Variants in CES5A observed in about 807,000 individuals in gnomAD.
CES5A encodes carboxylesterase 5A.
Under a neutral mutation model 62.9 loss-of-function variants are expected in CES5A, and 67 were observed. The observed-to-expected ratio is 1.07, with a 90% CI of 0.88 to 1.31. The LOEUF is 1.31. Among genes scored for constraint, CES5A ranks in the 50% most tolerant of loss-of-function variants. The pLI, the probability that CES5A is intolerant of heterozygous loss-of-function variation, is 0.00. For synonymous variants in CES5A, 296 were observed against 280.8 expected, an observed-to-expected ratio of 1.05 and a Z score of -0.54; for missense variants, 748 against 708.5, an observed-to-expected ratio of 1.06 and a Z score of -0.63.
intron 1 of CES5A, among the ~76,000 whole-genome samples, chr16:55,894,711 GA>G (rs1236833003): frequency 6.6e-6 from 1 of 152,068 alleles, no homozygotes; most frequent in African/African-American, 2.4e-5. Flanking sequence ...ATTTACTGCA[GA>G]AAAAAGTTGC....
intron 11 of CES5A, among the ~76,000 whole-genome samples, chr16:55,849,024 G>A (rs1241317237): frequency 6.6e-6 from 1 of 152,156 alleles, no homozygotes; most frequent in Non-Finnish European, 1.5e-5. Context: ...AGCCTGCATT[G>A]TGTAATGTTT....
At chr16:55,863,992 C>T (rs1348071685) in intron 5 of CES5A, among the ~76,000 whole-genome samples, 2 of 152,040 alleles carry the variant, frequency 1.3e-5, no homozygotes, top group African/African-American at 2.4e-5. Flanking sequence ...CCTGACCACT[C>T]ACCTCAGCCT....
At chr16:55,943,445 A>C (rs1302804567) in intron 2 of CES5A, among the ~76,000 whole-genome samples, 2 of 152,298 alleles carry the variant, frequency 1.3e-5, no homozygotes, top group South Asian at 2.1e-4. Flanking sequence ...TTGTTTTTCA[A>C]CGTGTTATCC....
At chr16:55,948,365 A>G (rs2034519253) in intron 2 of CES5A, among the ~76,000 whole-genome samples, 1 of 152,184 alleles carries the variant, frequency 6.6e-6, no homozygotes, top group African/African-American at 2.4e-5. Flanking sequence ...ACAGTCAATT[A>G]TGCATCCGTC....
At chr16:55,859,501 C>T (rs1424088612) in intron 8 of CES5A, 46 bp downstream of exon 8, 2 of 1,591,342 alleles carry the variant, frequency 1.3e-6, no homozygotes, top group Non-Finnish European at 1.7e-6. Flanking sequence ...GCCAAAGCTG[C>T]ATCACGGTTT....
Position 55,888,606 on chromosome 16 carries a change from G to T in CES5A, c.-255-14569C>A, listed in dbSNP as rs906628859. Reference sequence around the variant, plus strand: ...GGATTGTCTGCTAAATAAACTACCTGAACCTTAGTCTTTGTCTCAGGCTCT... The same window carrying T: ...GGATTGTCTGCTAAATAAACTACCTTAACCTTAGTCTTTGTCTCAGGCTCT... On this transcript the variant is annotated intron_variant, in intron 1 of 12. Coordinates refer to the CES5A transcript ENST00000518005. 9.9e-5 allele frequency among the ~76,000 whole-genome samples: 15 copies of T among 152,136 alleles called. No individual in the cohort carries two copies. In the South Asian group the frequency reaches 3.1e-3, roughly 32 times the overall value.
intron 4 of CES5A, among the ~76,000 whole-genome samples, chr16:55,869,055 A>C (rs4090478): frequency 0.99 from 151,076 of 152,322 alleles, 74,926 homozygotes; most frequent in South Asian, 1. Flanking sequence ...ATTCGAGAAG[A>C]CCTGGGGTGA....
chr16:55,863,161 T>C (rs2033387742), intron 6 of CES5A, among the ~76,000 whole-genome samples, 187 bp downstream of exon 6: 1 of 152,122 alleles, frequency 6.6e-6, no homozygotes, highest in Admixed American at 6.5e-5. Flanking sequence ...TGGTGTGGCA[T>C]TGTGTAGCTA....
chr16:55,875,866 G>C (rs1248997623), upstream of CES5A, among the ~76,000 whole-genome samples: 1 of 152,142 alleles, frequency 6.6e-6, no homozygotes, highest in Non-Finnish European at 1.5e-5. Context: ...CATCTGACCA[G>C]AAATATTATC....
Position 55,871,283 on chromosome 16 carries a change from AATT to A in CES5A, c.417+339_417+341del, listed in dbSNP as rs1265633480. On this transcript the variant is annotated intron_variant, in intron 3 of 12. Transcript: ENST00000290567. Reference sequence around the variant, plus strand: ...TATAAACAGAAAAGTTGGAGGATAAAATTATTCTTTTTGAAAAAAGATACCTCA... The same window carrying A: ...TATAAACAGAAAAGTTGGAGGATAAAATTCTTTTTGAAAAAAGATACCTCA... 1.1e-4 allele frequency among the ~76,000 whole-genome samples: 17 copies of A among 152,342 alleles called. No individual in the cohort carries two copies. The East Asian group carries it at 2.9e-3, about 26-fold the overall frequency.
chr16:55,868,290 C>T (rs1437063446), intron 4 of CES5A, among the ~76,000 whole-genome samples: 1 of 152,246 alleles, frequency 6.6e-6, no homozygotes, highest in African/African-American at 2.4e-5. Context: ...CCTCTCCTGC[C>T]TGCAAAGCAC....
At chr16:55,886,567 A>G (rs1202458690) in intron 1 of CES5A, among the ~76,000 whole-genome samples, 1 of 152,228 alleles carries the variant, frequency 6.6e-6, no homozygotes, top group African/African-American at 2.4e-5. Context: ...TGATTCACCA[A>G]GGCTGATCTT....
chr16:55,945,272 A>G (rs2034482415), intron 2 of CES5A, among the ~76,000 whole-genome samples: 1 of 152,218 alleles, frequency 6.6e-6, no homozygotes, highest in African/African-American at 2.4e-5. Context: ...GGGTAGGTAC[A>G]TTATCTGATT....
At chr16:55,892,830 A>G (rs1320931735) in intron 1 of CES5A, among the ~76,000 whole-genome samples, 1 of 152,198 alleles carries the variant, frequency 6.6e-6, no homozygotes, top group Non-Finnish European at 1.5e-5. Flanking sequence ...AGAGGGAACA[A>G]GTTATTCCTA....
upstream of CES5A, among the ~76,000 whole-genome samples, chr16:55,925,897 G>T (rs2034253374): frequency 1.3e-5 from 2 of 152,026 alleles, no homozygotes; most frequent in African/African-American, 4.8e-5. Flanking sequence ...CCTGACAAGG[G>T]ACTAATATCT....
At chr16:55,886,527 A>T (rs971438264) in intron 1 of CES5A, among the ~76,000 whole-genome samples, 6 of 152,240 alleles carry the variant, frequency 3.9e-5, no homozygotes, top group Admixed American at 2.0e-4. Flanking sequence ...ACCCATGAAC[A>T]GAATAGCTAT....
chr16:55,892,926 G>A (rs1484772823), intron 1 of CES5A, among the ~76,000 whole-genome samples: 2 of 152,130 alleles, frequency 1.3e-5, no homozygotes, highest in East Asian at 1.9e-4. Flanking sequence ...AAAAGGATTA[G>A]CCTATCAGAG....
At chr16:55,932,156 C>T (rs1359156571) in intron 2 of CES5A, among the ~76,000 whole-genome samples, 1 of 152,198 alleles carries the variant, frequency 6.6e-6, no homozygotes, top group Non-Finnish European at 1.5e-5. Flanking sequence ...TGTCACTTCT[C>T]TTCACAGCTC....
At chr16:55,894,644 T>C (rs181860867) in intron 1 of CES5A, among the ~76,000 whole-genome samples, 1 of 152,138 alleles carries the variant, frequency 6.6e-6, no homozygotes, top group Non-Finnish European at 1.5e-5. Flanking sequence ...AGCAAAAATG[T>C]CAGAATAAAC....
Sources: allele counts gnomAD v4.1 joint callset (sites outside exome capture counted in the v4.1 genomes callset), GRCh38; gene constraint gnomAD v4.1.1; transcripts MANE v1.5; gene names NCBI Gene and HGNC (gene_info 2026-07-23, HGNC 2026-07-21).